PARVB: variants seen among roughly 807,000 people sequenced by gnomAD.
PARVB encodes beta-parvin.
Under a neutral mutation model 47.0 loss-of-function variants are expected in PARVB, and 46 were observed. The ratio of observed to expected loss-of-function variants is 0.98; its 90% confidence interval spans 0.77 to 1.25. The LOEUF is 1.25. Ranked by LOEUF, PARVB falls within the 50% of genes most tolerant of loss-of-function variation. PARVB has a pLI of 0.00. For missense variants in PARVB, 473 were observed against 471.6 expected (o/e 1.00, Z -0.03); for synonymous variants, 196 against 196.3 (o/e 1.00, Z 0.01).
upstream of PARVB, among the ~76,000 whole-genome samples, chr22:44,023,547 T>C (rs62226385): frequency 0.38 from 38,000 of 98,916 alleles, 5,746 homozygotes; most frequent in East Asian, 0.51. Flanking sequence ...CAAAATAAAA[T>C]AAAATAAAAT....
chr22:44,017,477 C>A (rs1237179334), intron 2 of PARVB, among the ~76,000 whole-genome samples: 3 of 152,142 alleles, frequency 2.0e-5, no homozygotes, highest in African/African-American at 7.2e-5. Flanking sequence ...ACGCAAAGCC[C>A]AAGACAGTTC....
At chr22:44,148,997 AC>A (rs2053746290) in intron 9 of PARVB, 1 of 152,028 alleles carries the variant, frequency 6.6e-6, no homozygotes, top group Non-Finnish European at 1.5e-5. Context: ...GCCCCCAGGG[AC>A]CCTGACAGAA....
At chr22:44,136,207 C>A (rs2053437023) in intron 6 of PARVB, among the ~76,000 whole-genome samples, 1 of 152,140 alleles carries the variant, frequency 6.6e-6, no homozygotes, top group African/African-American at 2.4e-5. Context: ...CAAATGCCAA[C>A]TCTCAAGGCC....
chr22:44,072,841 C>G (rs970607747), intron 1 of PARVB, among the ~76,000 whole-genome samples: 6 of 152,182 alleles, frequency 3.9e-5, no homozygotes, highest in African/African-American at 1.4e-4. Context: ...AGTCCCCTAC[C>G]TACTAGGGAT....
chr22:44,022,625 T>C (rs1339332603), upstream of PARVB, among the ~76,000 whole-genome samples: 1 of 152,016 alleles, frequency 6.6e-6, no homozygotes, highest in Non-Finnish European at 1.5e-5. Context: ...AAAAACCATC[T>C]CAACCCACAC....
At chr22:44,019,336 C>G (rs944382426), upstream of PARVB, among the ~76,000 whole-genome samples, 2 of 152,092 alleles carry the variant, frequency 1.3e-5, no homozygotes, top group African/African-American at 4.8e-5. Context: ...TCTCCTGCCT[C>G]AGCCTCCCGA....
intron 1 of PARVB, among the ~76,000 whole-genome samples, chr22:44,081,202 G>C (rs1433658007): frequency 6.6e-6 from 1 of 152,184 alleles, no homozygotes; most frequent in Non-Finnish European, 1.5e-5. Context: ...GTGGTTCTTT[G>C]AGTATCTCAG....
chr22:44,168,518 T>C, intron 12 of PARVB, 84 bp from the exon 13 acceptor site: 1 of 883,492 alleles, frequency 1.1e-6, no homozygotes, highest in Non-Finnish European at 1.9e-6. Context: ...GCTGGTGTCA[T>C]GCTGGAGACG....
chr22:44,099,305 G>T lies in PARVB; in HGVS notation c.203-748G>T, dbSNP rs1439102061. Among the ~76,000 whole-genome samples, 6 of 152,288 alleles carry T rather than the reference G, an allele frequency of 3.9e-5. No homozygotes were observed. In the East Asian group the frequency reaches 9.7e-4, roughly 25 times the overall value. ...CTCGGCGCCCGCTGGCTTCTGTGTG[G>T]TGCTGGGCATTTCTGCTGTGGAGCA... On this transcript the variant is annotated intron_variant, in intron 2 of 12. Transcript: ENST00000338758.
At chr22:44,116,138 T>A (rs889431262) in intron 3 of PARVB, 1 of 152,372 alleles carries the variant, frequency 6.6e-6, no homozygotes, top group Non-Finnish European at 1.5e-5. Flanking sequence ...TTTCTCAGAC[T>A]TTCCTTGTTT....
upstream of PARVB, among the ~76,000 whole-genome samples, chr22:44,020,985 T>C (rs527582203): frequency 1.1e-3 from 171 of 152,266 alleles, no homozygotes; most frequent in South Asian, 3.9e-3. Context: ...TTCACCATGT[T>C]GGCCAGGCTG....
chr22:44,146,617 A>G lies in PARVB; in HGVS notation c.713-1244A>G, dbSNP rs549025177. 3.3e-5 allele frequency: 5 copies of G among 152,430 alleles called. No homozygotes were observed. In the East Asian group the frequency reaches 7.7e-4, roughly 24 times the overall value. The allele number at this position is 152,430 out of a possible 1,614,324, so 9.4% of individuals were successfully genotyped here. A position where few individuals can be genotyped will look rare whatever the true frequency, so the allele number is the denominator to read the frequency against. On this transcript the variant is annotated intron_variant, in intron 8 of 12. Coordinates refer to ENST00000338758, the MANE Select transcript of PARVB (RefSeq NM_013327.5). ...CTTCCTCTGGGAGGAGGCTTGGCCA[A>G]CTTCTCTCCGTAGGTCTCTGGCTTA... is the stretch of plus-strand genomic sequence containing the variant.
rs2051582586 is a variant in PARVB, at chr22:44,068,463, A to G, written c.113-25465A>G. On this transcript the variant is annotated intron_variant, in intron 1 of 12. Coordinates refer to ENST00000338758, the MANE Select transcript of PARVB (RefSeq NM_013327.5). This position sits in a 1 kb window ranked among gnomAD's most constrained non-coding sequence, Gnocchi z 4.1. ...CGAGTCCTACTTCTCCCCTCATTCA[A>G]GGACCTTCCTTTGGGGAAGTGAGTG... Among the ~76,000 whole-genome samples, 2 of 152,168 alleles carry G rather than the reference A, an allele frequency of 1.3e-5. No individual in the cohort carries two copies. Among genetic ancestry groups the G allele is most frequent in the South Asian group, 4.1e-4 (2 of 4,832 alleles).
At chr22:44,038,239 G>A (rs1231207115) in intron 1 of PARVB, among the ~76,000 whole-genome samples, 1 of 152,178 alleles carries the variant, frequency 6.6e-6, no homozygotes, top group African/African-American at 2.4e-5. Context: ...GGGAGATAAT[G>A]ATGACCATTT....
intron 4 of PARVB, among the ~76,000 whole-genome samples, chr22:44,130,755 G>A (rs528961519): frequency 5.8e-4 from 88 of 152,202 alleles, no homozygotes; most frequent in African/African-American, 2.1e-3. Context: ...TTCTTCCCAG[G>A]TAACCTCCTT....
upstream of PARVB, among the ~76,000 whole-genome samples, chr22:44,020,719 C>T (rs2050637625): frequency 6.6e-6 from 1 of 151,886 alleles, no homozygotes; most frequent in African/African-American, 2.4e-5. Context: ...TTGCCCTCCC[C>T]AGGTGCACCA....
chr22:44,088,866 C>G (rs928737257), intron 1 of PARVB, among the ~76,000 whole-genome samples: 4 of 152,178 alleles, frequency 2.6e-5, no homozygotes, highest in East Asian at 1.9e-4. Context: ...TGCTCTCCCC[C>G]TTTCCAATGG....
At chr22:44,039,458 T>C (rs973800023) in intron 1 of PARVB, among the ~76,000 whole-genome samples, 6 of 151,980 alleles carry the variant, frequency 3.9e-5, no homozygotes, top group Non-Finnish European at 7.4e-5. Flanking sequence ...GGAGAATCAC[T>C]TGAACCCGGG....
In PARVB at chr22:44,034,284, T is replaced by TCTTTATACATATATATGTTTGAGATGGGG. The variant is rs1569064798; in HGVS notation, c.112+9833_112+9834insCTTTATACATATATATGTTTGAGATGGGG. 1.0e-3 allele frequency among the ~76,000 whole-genome samples: 123 copies of TCTTTATACATATATATGTTTGAGATGGGG among 123,080 alleles called. 5 individuals are homozygous for TCTTTATACATATATATGTTTGAGATGGGG. Among genetic ancestry groups the TCTTTATACATATATATGTTTGAGATGGGG allele is most frequent in the Middle Eastern group, 4.1e-3 (1 of 242 alleles). 80.7% of individuals were successfully genotyped at this position (123,080 alleles called of 152,430 possible). A position where few individuals can be genotyped will look rare whatever the true frequency, so the allele number is the denominator to read the frequency against. ...TATACATATATATGTTTGAGATGGG[T>TCTTTATACATATATATGTTTGAGATGGGG]GTCTTTATACATATATATGTTTGAG... On this transcript the variant is annotated intron_variant, in intron 1 of 12. Transcript: ENST00000338758.
Sources: allele counts gnomAD v4.1 joint callset (sites outside exome capture counted in the v4.1 genomes callset), GRCh38; gene constraint gnomAD v4.1.1; non-coding constraint Gnocchi (gnomAD v3.1); transcripts MANE v1.5; gene names NCBI Gene and HGNC (gene_info 2026-07-23, HGNC 2026-07-21).